PECR: variants seen among roughly 807,000 people sequenced by gnomAD.
The protein encoded by PECR is 2,4-dienoyl-CoA reductase-related protein.
PECR carries 30 observed loss-of-function variants against 35.3 expected under a neutral mutation model. That is an observed-to-expected ratio of 0.85 (90% CI 0.64 to 1.15). The LOEUF is 1.15. Ranked by LOEUF, PECR falls within the 50% of genes most tolerant of loss-of-function variation. The probability of loss-of-function intolerance (pLI) is 0.00; values close to 1 mark genes in which losing one functional copy is unlikely to be tolerated. For synonymous variants in PECR, 148 were observed against 138.9 expected, an observed-to-expected ratio of 1.07 and a Z score of -0.46; for missense variants, 392 against 370.8, an observed-to-expected ratio of 1.06 and a Z score of -0.47.
At position 216,080,767 on chromosome 2, in the gene PECR, GTTC is replaced by G. The variant is rs774369871; in HGVS notation, c.124+848_124+850del. Among the ~76,000 whole-genome samples the G allele has an allele frequency of 6.1e-4, 93 of 152,254 alleles. 1 individual carries two copies. Among genetic ancestry groups the G allele is most frequent in the Non-Finnish European group, 1.2e-3 (80 of 68,010 alleles). The stretch of plus-strand genomic sequence containing the variant: ...TTCATATGTTTCTTGCCTGTCTGTA[GTTC>G]TTCTTTTGGAACGCTTAGTCCATAC... On this transcript the variant is annotated intron_variant, in intron 1 of 7. Transcript: ENST00000265322.
At chr2:216,030,909 A>G (rs1244141040) in intron 7 of PECR, among the ~76,000 whole-genome samples, 1 of 144,940 alleles carries the variant, frequency 6.9e-6, no homozygotes, top group East Asian at 2.0e-4. Flanking sequence ...TGAACACACA[A>G]GCCCACTATG....
downstream of PECR, among the ~76,000 whole-genome samples, chr2:216,038,086 A>AAAATAAATAAAT (rs555404475): frequency 1.3e-5 from 2 of 151,928 alleles, no homozygotes; most frequent in Non-Finnish European, 2.9e-5. Context: ...CTCCATCTTA[A>AAAATAAATAAAT]AAATAAATAA....
At chr2:216,050,899 TAA>T (rs34775320) in intron 5 of PECR, 126 of 102,334 alleles carry the variant, frequency 1.2e-3, no homozygotes, top group African/African-American at 2.8e-3. Context: ...AGACTCCTTC[TAA>T]AAAAAAAAAA....
downstream of PECR, among the ~76,000 whole-genome samples, chr2:216,036,890 T>C (rs1694802507): frequency 6.6e-6 from 1 of 152,234 alleles, no homozygotes; most frequent in Non-Finnish European, 1.5e-5. Context: ...GGGTCATCTT[T>C]ATCAACAAAC....
intron 4 of PECR, among the ~76,000 whole-genome samples, chr2:216,055,113 C>T (rs925416337): frequency 1.8e-5 from 1 of 54,474 alleles, no homozygotes; most frequent in African/African-American, 6.7e-5. Flanking sequence ...CTGTGTCTTA[C>T]AAAAAAAAAA....
At chr2:216,031,449 AAGAAAGAGAG>A (rs756240845) in intron 7 of PECR, among the ~76,000 whole-genome samples, 142 of 144,254 alleles carry the variant, frequency 9.8e-4, no homozygotes, top group African/African-American at 3.0e-3. Context: ...AAGAAAAAGA[AAGAAAGAGAG>A]AAAGAAAGAA....
At chr2:216,037,735 C>G (rs941977223), downstream of PECR, among the ~76,000 whole-genome samples, 4 of 152,048 alleles carry the variant, frequency 2.6e-5, no homozygotes, top group Non-Finnish European at 5.9e-5. Flanking sequence ...CATGAGAAAG[C>G]TGCAGATTCT....
chr2:216,061,738 A>G (rs1288409436), intron 3 of PECR, among the ~76,000 whole-genome samples: 7 of 152,190 alleles, frequency 4.6e-5, no homozygotes, highest in African/African-American at 7.2e-5. Flanking sequence ...AATGCAATAC[A>G]TGAATTTGAA....
intron 3 of PECR, among the ~76,000 whole-genome samples, chr2:216,064,950 A>G (rs941705427): frequency 3.9e-5 from 6 of 152,326 alleles, no homozygotes; most frequent in Middle Eastern, 3.4e-3. Context: ...TGTCTCTGGT[A>G]TTCTCCCTGA....
At chr2:216,072,624 T>C (rs570305980) in intron 1 of PECR, among the ~76,000 whole-genome samples, 47 of 152,340 alleles carry the variant, frequency 3.1e-4, no homozygotes, top group Non-Finnish European at 2.2e-4. Context: ...ACATGCACCA[T>C]TTGACCTTGT....
chr2:216,063,769 G>A (rs1050658528), intron 3 of PECR: 3 of 151,942 alleles, frequency 2.0e-5, no homozygotes, highest in African/African-American at 7.3e-5. Context: ...CCAGGCTCAA[G>A]TACAGTGGCA....
chr2:216,061,743 T>A (rs1248053819), intron 3 of PECR, among the ~76,000 whole-genome samples: 1 of 152,122 alleles, frequency 6.6e-6, no homozygotes, highest in Non-Finnish European at 1.5e-5. Context: ...AATACATGAA[T>A]TTGAAAACAT....
At position 216,081,747 on chromosome 2, in the gene PECR, C is replaced by T; in HGVS notation, c.-6G>A. ...CCCTTAGCCCAGGAGGCCATCCCTGCAGCGGGGTGCCAGAGCAGCTGAGCG... is the reference window on the plus strand; with the variant it reads ...CCCTTAGCCCAGGAGGCCATCCCTGTAGCGGGGTGCCAGAGCAGCTGAGCG... On this transcript the variant is annotated 5_prime_UTR_variant, in exon 1 of 8. Coordinates refer to ENST00000265322, the MANE Select transcript of PECR (RefSeq NM_018441.6). The T allele has an allele frequency of 1.2e-6, 2 of 1,612,666 alleles. No individual in the cohort carries two copies. Among genetic ancestry groups the T allele is most frequent in the Non-Finnish European group, 1.7e-6 (2 of 1,179,810 alleles).
intron 4 of PECR, among the ~76,000 whole-genome samples, chr2:216,052,845 T>C (rs1695143694): frequency 6.6e-6 from 1 of 152,118 alleles, no homozygotes; most frequent in African/African-American, 2.4e-5. Context: ...AGTTCACGAA[T>C]GCTCTGTTTT....
intron 7 of PECR, among the ~76,000 whole-genome samples, chr2:216,029,895 CAAATGT>C (rs1694653756): frequency 1.3e-5 from 2 of 152,254 alleles, no homozygotes; most frequent in East Asian, 3.9e-4. Flanking sequence ...CCAAGCAAAC[CAAATGT>C]TTGTAGCCTA....
At chr2:216,055,296 G>A (rs1695202508) in intron 4 of PECR, among the ~76,000 whole-genome samples, 1 of 151,502 alleles carries the variant, frequency 6.6e-6, no homozygotes, top group Admixed American at 6.6e-5. Context: ...AATTAGCCGG[G>A]CATGGTGACG....
rs142879595 is a variant in PECR at position 216,065,523 on chromosome 2, C to T, written c.259-46G>A. 122 of 1,164,900 alleles carry T rather than the reference C, an allele frequency of 1.0e-4. 1 individual carries two copies. In the East Asian group the frequency reaches 1.4e-3, roughly 14 times the overall value. The allele number at this position is 1,164,900 out of a possible 1,614,324, so 72.2% of individuals were successfully genotyped here. The stretch of plus-strand genomic sequence containing the variant: ...TTACTAAAAGGAAAAGTTTAATAGC[C>T]TAACTTGCTACCTCGCCTGATTGAT... On this transcript the variant is annotated intron_variant, in intron 2 of 7. Transcript: ENST00000265322.
chr2:216,046,289 C>CATATATATAT lies in PECR; in HGVS notation c.715-2275_715-2274insATATATATAT, dbSNP rs1307643558. ...AAACCACATAAAGTATATATATATA[C>CATATATATAT]ATACATATATATATATATATATTTT... On this transcript the variant is annotated intron_variant, in intron 6 of 7. Transcript: ENST00000265322. Among the ~76,000 whole-genome samples, 13 of 107,940 alleles carry CATATATATAT rather than the reference C, an allele frequency of 1.2e-4. 1 individual carries two copies. The highest frequency in any genetic ancestry group is 1.2e-3 in the South Asian group (4 of 3,392). The allele number at this position is 107,940 out of a possible 152,430, so 70.8% of individuals were successfully genotyped here.
chr2:216,051,102 A>G (rs1237639058), intron 5 of PECR, among the ~76,000 whole-genome samples: 2 of 151,326 alleles, frequency 1.3e-5, no homozygotes, highest in Non-Finnish European at 2.9e-5. Context: ...CCAGGGCAAT[A>G]TGGTGAAAAC....
Sources: allele counts gnomAD v4.1 joint callset (sites outside exome capture counted in the v4.1 genomes callset), GRCh38; gene constraint gnomAD v4.1.1; transcripts MANE v1.5; gene names NCBI Gene and HGNC (gene_info 2026-07-23, HGNC 2026-07-21).